The following TRUB2 variants were observed in gnomAD, a reference collection of about 807,000 sequenced individuals.
TRUB2 encodes TruB pseudouridine synthase family member 2.
Under a neutral mutation model 31.9 loss-of-function variants are expected in TRUB2, and 31 were observed. The observed-to-expected ratio is 0.97, with a 90% CI of 0.73 to 1.31. The LOEUF is 1.31. TRUB2 is among the 50% of genes most tolerant of loss of function. The probability of loss-of-function intolerance (pLI) is 0.00; values close to 1 mark genes in which losing one functional copy is unlikely to be tolerated. For synonymous variants in TRUB2, 201 were observed against 182.6 expected (o/e 1.10, Z -0.81); for missense variants, 451 against 439.6 (o/e 1.03, Z -0.23).
At position 128,310,935 on chromosome 9, in the gene TRUB2, T is replaced by A. The variant is rs371477371; in HGVS notation, c.622A>T (p.Ile208Leu). The change falls in exon 7 of 8, where the codon ATA (isoleucine) becomes TTA (leucine). Residue 208 changes from isoleucine (I) to leucine (L), a missense_variant. Coordinates refer to ENST00000372890, the MANE Select transcript of TRUB2 (RefSeq NM_015679.3). ...IRPMNKSPMLITGIRCLYFAP... is the reference protein window; with the variant it reads ...IRPMNKSPMLLTGIRCLYFAP... The stretch of plus-strand genomic sequence containing the variant: ...AAGTAGAGGCATCGGATGCCAGTTA[T>A]CAGCATCGGGGACTTGTTCATGGGC... The A allele has an allele frequency of 2.4e-4, 391 of 1,614,224 alleles. No individual in the cohort carries two copies. The highest frequency in any genetic ancestry group is 3.2e-4 in the Non-Finnish European group (372 of 1,180,042).
At position 128,311,602 on chromosome 9, in the gene TRUB2, C is replaced by A; in HGVS notation, c.461-1G>T. 1 of 1,613,944 alleles carries A rather than the reference C, an allele frequency of 6.2e-7. No individual in the cohort carries two copies. The highest frequency in any genetic ancestry group is 1.3e-5 in the African/African-American group (1 of 74,988). ...TCCAGCTTCTCTCTGGTCACGTGGT[C>A]TGGAAAAGGCAGGGGGTTGTCAATG... On this transcript the variant is annotated splice_acceptor_variant, in intron 5 of 7. Coordinates refer to ENST00000372890, the MANE Select transcript of TRUB2 (RefSeq NM_015679.3). LOFTEE classifies it high-confidence loss of function.
chr9:128,314,837 C>G (rs1180823037), intron 4 of TRUB2, among the ~76,000 whole-genome samples: 1 of 152,150 alleles, frequency 6.6e-6, no homozygotes, highest in Non-Finnish European at 1.5e-5. Flanking sequence ...CTCAGCCTCC[C>G]AAAGTACTGG....
chr9:128,309,532 C>T lies in TRUB2; in HGVS notation c.*18G>A. The T allele has an allele frequency of 6.3e-7, 1 of 1,597,214 alleles. No homozygotes were observed. Reference sequence around the variant, plus strand: ...TCTTCTATTTATCCATCCACTGCCCCAGGAGCTGCCTGGGCATTCACTGCC... The same window carrying T: ...TCTTCTATTTATCCATCCACTGCCCTAGGAGCTGCCTGGGCATTCACTGCC... On this transcript the variant is annotated 3_prime_UTR_variant, in exon 8 of 8. Transcript: ENST00000372890.
chr9:128,317,800 C>A (rs183913516), intron 2 of TRUB2, among the ~76,000 whole-genome samples: 1 of 152,348 alleles, frequency 6.6e-6, no homozygotes, highest in African/African-American at 2.4e-5. Context: ...TCTCACAGCA[C>A]TGTGGTGATA....
Position 128,309,885 on chromosome 9 carries a change from A to T in TRUB2, c.671-10T>A. ...TGCATGCACTGCACCTCTGCCAGGG[A>T]CACACAATGACAGACATGGTGGTGA... On this transcript the variant is annotated splice_polypyrimidine_tract_variant and intron_variant, in intron 7 of 7. Transcript: ENST00000372890. 1.2e-6 allele frequency: 2 copies of T among 1,610,418 alleles called. No homozygotes were observed. Among genetic ancestry groups the T allele is most frequent in the Non-Finnish European group, 1.7e-6 (2 of 1,177,596 alleles).
chr9:128,308,472 T>G lies in TRUB2; in HGVS notation c.*1078A>C, dbSNP rs1831904737. ...TGGCGTGAACCTGGGAAGCGGAGGTTGCAGTGAGCCTAGATCGCACCACTG... is the reference window on the plus strand; with the variant it reads ...TGGCGTGAACCTGGGAAGCGGAGGTGGCAGTGAGCCTAGATCGCACCACTG... On this transcript the variant is annotated 3_prime_UTR_variant, in exon 8 of 8. Transcript: ENST00000372890. The G allele has an allele frequency of 1.3e-5, 2 of 151,952 alleles. No individual in the cohort carries two copies. The highest frequency in any genetic ancestry group is 1.3e-4 in the Admixed American group (2 of 15,218). The allele number at this position is 151,952 out of a possible 1,614,324, so 9.4% of individuals were successfully genotyped here.
Position 128,309,713 on chromosome 9 carries a change from T to C in TRUB2, c.833A>G (p.Asn278Ser). 6.2e-7 allele frequency: 1 copy of C among 1,614,212 alleles called. No individual in the cohort carries two copies. The highest frequency in any genetic ancestry group is 1.7e-5 in the Admixed American group (1 of 60,024). Residue 278 changes from asparagine to serine, a missense_variant, in exon 8 of 8, where the codon AAC becomes AGC. Transcript: ENST00000372890. ...AGCAGCCCGGATAGCATCCTGGATG[T>C]TGGTTAGGTCCCACTGGGTCCTCAG... ...ALLRTQWDLT[N>S]IQDAIRAATP...
intron 7 of TRUB2, among the ~76,000 whole-genome samples, 186 bp from the exon 8 acceptor site, chr9:128,310,061 A>G (rs1308083618): frequency 6.6e-6 from 1 of 152,146 alleles, no homozygotes; most frequent in East Asian, 1.9e-4. Context: ...TAAGACTTGC[A>G]GAACCTCAGG....
chr9:128,311,412 C>T (rs953943308), intron 6 of TRUB2, 117 bp downstream of exon 6: 42 of 1,049,576 alleles, frequency 4.0e-5, no homozygotes, highest in Non-Finnish European at 5.7e-5. Flanking sequence ...AGGTAGCTCC[C>T]GTCTGGTTCT....
At chr9:128,318,027 T>C (rs1455199894) in intron 2 of TRUB2, among the ~76,000 whole-genome samples, 1 of 152,180 alleles carries the variant, frequency 6.6e-6, no homozygotes, top group Non-Finnish European at 1.5e-5. Flanking sequence ...GTTCCATTGT[T>C]GGGCAACTTT....
intron 5 of TRUB2, among the ~76,000 whole-genome samples, chr9:128,313,605 T>A (rs1832015830): frequency 6.9e-6 from 1 of 144,728 alleles, no homozygotes; most frequent in African/African-American, 2.6e-5. Flanking sequence ...GAAACTAGAG[T>A]CTTTGGAAGT....
chr9:128,320,667 G>T (rs994580488), intron 2 of TRUB2, among the ~76,000 whole-genome samples: 2 of 152,046 alleles, frequency 1.3e-5, no homozygotes, highest in African/African-American at 4.8e-5. Context: ...GTTTCCCCAT[G>T]TTGCCCAGGC....
At chr9:128,313,773 G>C (rs374552918) in intron 5 of TRUB2, 35 bp downstream of exon 5, 1 of 1,598,656 alleles carries the variant, frequency 6.3e-7, no homozygotes, top group African/African-American at 1.3e-5. Flanking sequence ...AAGCAAATGC[G>C]GAGGGAGGCA....
rs796467178 is a variant in TRUB2, at chr9:128,308,006, GA to G, written c.*1543del. On this transcript the variant is annotated 3_prime_UTR_variant, in exon 8 of 8. Coordinates refer to ENST00000372890, the MANE Select transcript of TRUB2 (RefSeq NM_015679.3). ...GCGCTCTGGGAGGCTGAGGTGGGCGGATCACCTGAGGTCAGGAGTTCCAGAC... is the reference window on the plus strand; with the variant it reads ...GCGCTCTGGGAGGCTGAGGTGGGCGGTCACCTGAGGTCAGGAGTTCCAGAC... The G allele has an allele frequency of 8.6e-5, 13 of 151,524 alleles. No individual in the cohort carries two copies. The highest frequency in any genetic ancestry group is 3.2e-4 in the African/African-American group (13 of 41,252). 9.4% of individuals were successfully genotyped at this position (151,524 alleles called of 1,614,324 possible).
At chr9:128,317,920 C>G (rs967626343) in intron 2 of TRUB2, among the ~76,000 whole-genome samples, 1 of 152,204 alleles carries the variant, frequency 6.6e-6, no homozygotes, top group African/African-American at 2.4e-5. Context: ...TTGAATATCA[C>G]AAGTCCAACG....
rs368076562 is a variant in TRUB2 at position 128,309,793 on chromosome 9, G to A, written c.753C>T (p.Val251=). 3.3e-5 allele frequency: 53 copies of A among 1,614,258 alleles called. No homozygotes were observed. Among genetic ancestry groups the A allele is most frequent in the Non-Finnish European group, 4.2e-5 (50 of 1,180,048 alleles). ...EIGLELKTTA[V]CTQVRRTRDG... ...CGCGCGTGCGCCGCACTTGGGTGCAGACAGCAGTGGTCTTTAGTTCCAGGC... is the reference window on the plus strand; with the variant it reads ...CGCGCGTGCGCCGCACTTGGGTGCAAACAGCAGTGGTCTTTAGTTCCAGGC... The change falls in exon 8 of 8, where the codon GTC becomes GTT. Residue 251 remains valine (V), a synonymous_variant. Coordinates refer to ENST00000372890, the MANE Select transcript of TRUB2 (RefSeq NM_015679.3).
chr9:128,320,513 G>A (rs141109087), intron 2 of TRUB2, among the ~76,000 whole-genome samples: 1 of 151,898 alleles, frequency 6.6e-6, no homozygotes, highest in Non-Finnish European at 1.5e-5. Context: ...TGTATTTTTA[G>A]TAGAGACGGG....
chr9:128,322,402 A>C lies in TRUB2; in HGVS notation c.7T>G (p.Ser3Ala). The C allele has an allele frequency of 6.2e-7, 1 of 1,614,084 alleles. No homozygotes were observed. Among genetic ancestry groups the C allele is most frequent in the Non-Finnish European group, 8.5e-7 (1 of 1,180,026 alleles). Residue 3 changes from serine to alanine, a missense_variant, in exon 1 of 8, where the codon TCT (serine) becomes GCT (alanine). By Grantham distance (99) the Ser-to-Ala change is moderately conservative (BLOSUM62 1). Coordinates refer to ENST00000372890, the MANE Select transcript of TRUB2 (RefSeq NM_015679.3). Reference sequence around the variant, plus strand: ...CCATGCAGCCGCGACAAGCCAGCAGACCCCATACTTGAAGATCACAGCACC... The same window carrying C: ...CCATGCAGCCGCGACAAGCCAGCAGCCCCCATACTTGAAGATCACAGCACC... MG[S>A]AGLSRLHGLF...
rs1015950194 is a variant in TRUB2 at position 128,307,284 on chromosome 9, A to T, written c.*2266T>A. 3.9e-5 allele frequency: 6 copies of T among 151,950 alleles called. No homozygotes were observed. Among genetic ancestry groups the T allele is most frequent in the African/African-American group, 1.5e-4 (6 of 41,364 alleles). 9.4% of individuals were successfully genotyped at this position (151,950 alleles called of 1,614,324 possible). On this transcript the variant is annotated 3_prime_UTR_variant, in exon 8 of 8. Coordinates refer to ENST00000372890, the MANE Select transcript of TRUB2 (RefSeq NM_015679.3). ...AAAAAAATAATAAAATTAGCTGGAA[A>T]AAAATATTTAGCCAGGCATCGTGGT...
Sources: gnomAD v4.1 joint callset for allele counts (sites outside exome capture counted in the v4.1 genomes callset) on GRCh38, gnomAD v4.1.1 for gene constraint, MANE v1.5 for transcripts, NCBI Gene and HGNC (gene_info 2026-07-23, HGNC 2026-07-21) for gene names.